CHLSN: variants seen among roughly 807,000 people sequenced by gnomAD.
The protein encoded by CHLSN is protein cholesin.
the CHLSN span, among the ~76,000 whole-genome samples, chr7:1,086,074 G>A: frequency 1.3e-5 from 2 of 152,234 alleles, no homozygotes; most frequent in African/African-American, 4.8e-5. Context: ...ACTCTATGCT[G>A]CAAGCAGGAA....
the CHLSN span, among the ~76,000 whole-genome samples, chr7:1,119,960 C>T: frequency 6.6e-6 from 1 of 151,220 alleles, no homozygotes; most frequent in East Asian, 1.9e-4. Flanking sequence ...GAAGTTAGAT[C>T]CCTATCACAC....
At chr7:984,098 A>G in the CHLSN span, among the ~76,000 whole-genome samples, 1 of 152,098 alleles carries the variant, frequency 6.6e-6, no homozygotes, top group African/African-American at 2.4e-5. Context: ...AGAATGTGCC[A>G]CCCCAGCAGA....
At chr7:996,144 G>A in the CHLSN span, among the ~76,000 whole-genome samples, 1 of 152,224 alleles carries the variant, frequency 6.6e-6, no homozygotes, top group Non-Finnish European at 1.5e-5. Flanking sequence ...TGAGGTGCAG[G>A]CCCCGAGGGC....
the CHLSN span, among the ~76,000 whole-genome samples, chr7:1,048,661 C>A: frequency 1.3e-5 from 2 of 152,318 alleles, no homozygotes; most frequent in Admixed American, 1.3e-4. Flanking sequence ...GCACTTTGGG[C>A]TCTTTTTAAA....
the CHLSN span, among the ~76,000 whole-genome samples, chr7:995,564 C>T: frequency 0.16 from 24,025 of 152,262 alleles, 2,074 homozygotes; most frequent in Admixed American, 0.22. Context: ...TTGCGGGTCT[C>T]CCTCTGCTGT....
the CHLSN span, chr7:1,127,410 T>C: frequency 2.5e-6 from 4 of 1,590,112 alleles, no homozygotes; most frequent in Non-Finnish European, 2.6e-6. Context: ...AGTAAATTGC[T>C]GAAGACAAGG....
chr7:997,788 A>G, the CHLSN span: 1 of 1,605,824 alleles, frequency 6.2e-7, no homozygotes, highest in Non-Finnish European at 8.5e-7. Context: ...CAGGGTGGAG[A>G]AGTGCTCATC....
chr7:1,083,808 C>T, the CHLSN span, among the ~76,000 whole-genome samples: 10 of 152,234 alleles, frequency 6.6e-5, no homozygotes, highest in Admixed American at 2.0e-4. Flanking sequence ...GACGCGCCCA[C>T]GTCCACCAGT....
At chr7:1,082,514 G>A in the CHLSN span, among the ~76,000 whole-genome samples, 2 of 152,256 alleles carry the variant, frequency 1.3e-5, no homozygotes. Context: ...GGTGCTGTGA[G>A]TGGCTGGGAC....
At chr7:989,997 C>T in the CHLSN span, among the ~76,000 whole-genome samples, 2 of 67,286 alleles carry the variant, frequency 3.0e-5, no homozygotes, top group Non-Finnish European at 5.6e-5. Context: ...GCGGTGTGGT[C>T]GGCAGTGTGA....
the CHLSN span, among the ~76,000 whole-genome samples, chr7:1,070,306 T>C: frequency 7.9e-6 from 1 of 126,208 alleles, no homozygotes; most frequent in Non-Finnish European, 1.7e-5. Context: ...GGGAGGGAGG[T>C]GGGGGGTCAG....
the CHLSN span, among the ~76,000 whole-genome samples, chr7:1,100,793 C>G: frequency 6.6e-6 from 1 of 152,178 alleles, no homozygotes; most frequent in South Asian, 2.1e-4. Flanking sequence ...AAAACAAAAC[C>G]CTTTCTGAGC....
the CHLSN span, among the ~76,000 whole-genome samples, chr7:1,034,567 A>G: frequency 2.6e-5 from 4 of 152,220 alleles, no homozygotes; most frequent in African/African-American, 9.6e-5. Flanking sequence ...ACAGAGGAAC[A>G]GAGAACAGTG....
the CHLSN span, chr7:989,266 C>T: frequency 1.1e-5 from 2 of 184,338 alleles, no homozygotes; most frequent in Non-Finnish European, 2.2e-5. Context: ...CTGCAGACCC[C>T]ACTCCATTCC....
chr7:1,043,239 AT>A, the CHLSN span, among the ~76,000 whole-genome samples: 4 of 152,164 alleles, frequency 2.6e-5, no homozygotes, highest in African/African-American at 4.8e-5. Flanking sequence ...AAAAAAAAAA[AT>A]ATTAAAATGC....
At chr7:1,065,612 C>T in the CHLSN span, among the ~76,000 whole-genome samples, 3 of 152,210 alleles carry the variant, frequency 2.0e-5, no homozygotes, top group Admixed American at 2.0e-4. Flanking sequence ...AGCAGGGAAC[C>T]CACCTCACCA....
the CHLSN span, chr7:988,135 T>G: frequency 1.0e-6 from 1 of 1,004,586 alleles, no homozygotes; most frequent in Non-Finnish European, 1.4e-6. Context: ...CTCCCTGGGT[T>G]TGGGTGCCTC....
chr7:1,077,904 C>G, the CHLSN span: 1 of 152,274 alleles, frequency 6.6e-6, no homozygotes, highest in South Asian at 2.1e-4. Flanking sequence ...GCAGCCCCAG[C>G]GCGGCCTCGG....
chr7:1,107,954 A>T, the CHLSN span, among the ~76,000 whole-genome samples: 1 of 135,592 alleles, frequency 7.4e-6, no homozygotes, highest in Non-Finnish European at 1.5e-5. Context: ...GGGAGGAAGC[A>T]GAGGGGGGCT....
Sources: allele counts gnomAD v4.1 joint callset (sites outside exome capture counted in the v4.1 genomes callset), GRCh38; gene constraint gnomAD v4.1.1; transcripts MANE v1.5; gene names NCBI Gene and HGNC (gene_info 2026-07-23, HGNC 2026-07-21).